The following PHKA1 variants were observed in gnomAD, a reference collection of about 807,000 sequenced individuals.
The protein encoded by PHKA1 is phosphorylase kinase regulatory subunit alpha 1.
PHKA1 carries 60 observed loss-of-function variants against 110.2 expected under a neutral mutation model. That is an observed-to-expected ratio of 0.54 (90% CI 0.44 to 0.68). The LOEUF is 0.68. Among genes scored for constraint, PHKA1 ranks in the 30% least tolerant of loss-of-function variants. PHKA1 has a pLI of 0.00. For synonymous variants in PHKA1, 316 were observed against 333.6 expected (o/e 0.95, Z 0.58); for missense variants, 801 against 942.5 (o/e 0.85, Z 1.97).
At chrX:72,617,043 A>G (rs1556270343) in intron 21 of PHKA1, among the ~76,000 whole-genome samples, 1 of 112,091 alleles carries the variant, frequency 8.9e-6, no homozygotes, top group African/African-American at 3.2e-5. Context: ...GCATATATCA[A>G]AAAGTATAAA....
At chrX:72,666,901 C>T (rs1376320755) in intron 7 of PHKA1, among the ~76,000 whole-genome samples, 1 of 112,348 alleles carries the variant, frequency 8.9e-6, no homozygotes, top group Admixed American at 9.4e-5. Flanking sequence ...AAACCTTAAT[C>T]TTTCAATATG....
chrX:72,697,415 T>C (rs946785761), intron 3 of PHKA1, among the ~76,000 whole-genome samples: 5 of 110,533 alleles, frequency 4.5e-5, no homozygotes, highest in Non-Finnish European at 9.5e-5. Flanking sequence ...TGGTTAAAAG[T>C]CGGCTTAATT....
intron 3 of PHKA1, among the ~76,000 whole-genome samples, chrX:72,697,483 T>G (rs1275750605): frequency 9.1e-6 from 1 of 109,865 alleles, no homozygotes; most frequent in Non-Finnish European, 1.9e-5. Context: ...TGTTTGTATT[T>G]AAAAGGCCTT....
At chrX:72,638,373 C>CAAAAA (rs781972512) in intron 14 of PHKA1, among the ~76,000 whole-genome samples, 1 of 38,038 alleles carries the variant, frequency 2.6e-5, no homozygotes, top group Non-Finnish European at 5.3e-5. Flanking sequence ...GAGCTTCTCT[C>CAAAAA]AAAAAAAAAA....
chrX:72,612,760 A>C (rs782285081), intron 21 of PHKA1, among the ~76,000 whole-genome samples: 2 of 111,604 alleles, frequency 1.8e-5, no homozygotes, highest in East Asian at 5.6e-4. Context: ...TGACTCTCGC[A>C]CTCCTCCCAT....
rs2053946293 is a variant in PHKA1 at position 72,684,514 on chromosome X, G to C, written c.521C>G (p.Ala174Gly). Residue 174 changes from alanine (A) to glycine (G), a missense_variant, in exon 5 of 32, where the codon GCT becomes GGT. Around this residue, in one of 2 missense-constraint regions of PHKA1, gnomAD observed 299 missense variants for 423.3 expected, o/e 0.71. Coordinates refer to ENST00000373542, the MANE Select transcript of PHKA1 (RefSeq NM_002637.4). ...FIQNLVFYIE[A>G]AYKTADFGIW... ...AGTACTTACAGCAGTTTTATATGCA[G>C]CTTCAATGTAAAACACAAGGTTCTG... 8.6e-7 allele frequency: 1 copy of C among 1,156,975 alleles called. No individual in the cohort carries two copies.
rs189045127 is a variant in PHKA1 at position 72,620,019 on chromosome X, A to G, written c.2137+706T>C. Reference sequence around the variant, plus strand: ...GGAAGCATACTCAGAGGGTATGCTGAGCTTTTCCCTATTATAAATGTTAAA... The same window carrying G: ...GGAAGCATACTCAGAGGGTATGCTGGGCTTTTCCCTATTATAAATGTTAAA... On this transcript the variant is annotated intron_variant, in intron 19 of 31. Coordinates refer to ENST00000373542, the MANE Select transcript of PHKA1 (RefSeq NM_002637.4). Among the ~76,000 whole-genome samples the G allele has an allele frequency of 1.2e-3, 140 of 112,114 alleles. 2 individuals are homozygous for G. Among genetic ancestry groups the G allele is most frequent in the African/African-American group, 4.2e-3 (129 of 30,895 alleles).
intron 13 of PHKA1, 146 bp from the exon 14 acceptor site, chrX:72,644,642 G>A: frequency 2.0e-6 from 1 of 493,823 alleles, no homozygotes; most frequent in Non-Finnish European, 3.4e-6. Context: ...GATAAAATAA[G>A]TATCATGCTA....
chrX:72,624,549 A>G (rs2053025897), intron 17 of PHKA1, among the ~76,000 whole-genome samples: 1 of 111,546 alleles, frequency 9.0e-6, no homozygotes, highest in African/African-American at 3.3e-5. Context: ...AAACTCCCCA[A>G]GGAATATCTG....
In PHKA1 at chrX:72,619,231, G is replaced by T. The variant is rs782034253; in HGVS notation, c.2212C>A (p.Pro738Thr). 2.3e-5 allele frequency: 27 copies of T among 1,182,855 alleles called. No homozygotes were observed. The Admixed American group carries it at 5.9e-4, about 26-fold the overall frequency. The change falls in exon 20 of 32, where the codon CCC (proline) becomes ACC (threonine). Residue 738 changes from proline to threonine, a missense_variant. Pro to Thr is a conservative substitution (Grantham distance 38). Coordinates refer to ENST00000373542, the MANE Select transcript of PHKA1 (RefSeq NM_002637.4). ...PSFNLLDSPH[P>T]RQENQVPSVR... ...AAATTTACCTGGTTCTCCTGTCGGG[G>T]ATGAGGTGAATCAAGTAAGTTGAAT... is the stretch of plus-strand genomic sequence containing the variant.
chrX:72,587,772 G>A (rs1556216618), intron 29 of PHKA1, among the ~76,000 whole-genome samples: 1 of 110,844 alleles, frequency 9.0e-6, no homozygotes. Context: ...AAAAAAGCAG[G>A]GTTTTGCAAT....
At position 72,622,027 on chromosome X, in the gene PHKA1, C is replaced by T. The variant is rs782614359; in HGVS notation, c.1960+1082G>A. 6.4e-5 allele frequency: 48 copies of T among 748,044 alleles called. No individual in the cohort carries two copies. The African/African-American group carries it at 9.9e-4, about 15-fold the overall frequency. 61.6% of individuals were successfully genotyped at this position (748,044 alleles called of 1,213,427 possible). A position where few individuals can be genotyped will look rare whatever the true frequency, so the allele number is the denominator to read the frequency against. On this transcript the variant is annotated intron_variant, in intron 18 of 31. Transcript: ENST00000373542. ...AGAGCAAACAATCTCAATATATGAT[C>T]TTCTCATTTAATTTTCAAAGTATTT...
intron 6 of PHKA1, 25 bp from the exon 7 acceptor site, chrX:72,667,498 A>G (rs1556306972): frequency 1.8e-6 from 2 of 1,098,493 alleles, no homozygotes; most frequent in Non-Finnish European, 2.5e-6. Flanking sequence ...AAAGAAATGG[A>G]CAAGTTTAGC....
intron 29 of PHKA1, among the ~76,000 whole-genome samples, chrX:72,584,962 C>T (rs1356966068): frequency 2.1e-5 from 2 of 95,113 alleles, no homozygotes; most frequent in Non-Finnish European, 4.1e-5. Flanking sequence ...CCAAGTGTTC[C>T]CATTGTTCAA....
chrX:72,709,226 G>T (rs2147847689), intron 2 of PHKA1, among the ~76,000 whole-genome samples: 1 of 111,014 alleles, frequency 9.0e-6, no homozygotes, highest in Admixed American at 9.7e-5. Context: ...ACAAAGAACT[G>T]GAGTGAGGCC....
At chrX:72,619,168 G>T (rs956731852) in intron 20 of PHKA1, 46 bp downstream of exon 20, 3 of 770,229 alleles carry the variant, frequency 3.9e-6, no homozygotes, top group Non-Finnish European at 6.0e-6. Context: ...CATAAAGATG[G>T]CAGTTTTTCA....
At chrX:72,623,334 CA>C (rs1556280405) in intron 17 of PHKA1, 59 bp from the exon 18 acceptor site, 21 of 935,280 alleles carry the variant, frequency 2.2e-5, no homozygotes, top group Non-Finnish European at 3.1e-5. Flanking sequence ...TTAAACAACA[CA>C]ATCTTAGTGA....
At chrX:72,651,129 G>A (rs2053424081) in intron 12 of PHKA1, among the ~76,000 whole-genome samples, 1 of 112,028 alleles carries the variant, frequency 8.9e-6, no homozygotes, top group Non-Finnish European at 1.9e-5. Context: ...CATTAGTCCT[G>A]CTGTATTCTC....
chrX:72,656,639 T>C (rs1267340043), intron 9 of PHKA1, among the ~76,000 whole-genome samples: 2 of 112,300 alleles, frequency 1.8e-5, no homozygotes, highest in Non-Finnish European at 3.8e-5. Flanking sequence ...GAAATAGCAC[T>C]AAATGAAATG....
Sources: gnomAD v4.1 joint callset for allele counts (sites outside exome capture counted in the v4.1 genomes callset) on GRCh38, gnomAD v4.1.1 for gene constraint, gnomAD v4.1.1 regional missense constraint, MANE v1.5 for transcripts, NCBI Gene and HGNC (gene_info 2026-07-23, HGNC 2026-07-21) for gene names.